LMBR1: variants seen among roughly 807,000 people sequenced by gnomAD.
LMBR1 encodes limb region 1 protein homolog.
A neutral mutation model predicts 73.9 loss-of-function variants in LMBR1; 52 were observed. That is an observed-to-expected ratio of 0.70 (90% confidence interval 0.56 to 0.89). LMBR1 has a LOEUF of 0.89. Among genes scored for constraint, LMBR1 ranks in the 40% least tolerant of loss-of-function variants. The pLI is 0.00. For missense variants in LMBR1, 539 were observed against 579.8 expected, an observed-to-expected ratio of 0.93 and a Z score of 0.72; for synonymous variants, 215 against 209.4, an observed-to-expected ratio of 1.03 and a Z score of -0.23.
chr7:156,755,171 C>T (rs1421236960), intron 9 of LMBR1, among the ~76,000 whole-genome samples: 1 of 152,204 alleles, frequency 6.6e-6, no homozygotes, highest in East Asian at 1.9e-4. Context: ...CTGATTTTGG[C>T]TTGGCTTCAT....
intron 15 of LMBR1, among the ~76,000 whole-genome samples, chr7:156,696,477 C>T (rs989658215): frequency 6.6e-6 from 1 of 151,982 alleles, no homozygotes; most frequent in Non-Finnish European, 1.5e-5. Context: ...AAAGACATAC[C>T]CGAGACTGGG....
At chr7:156,778,056 CAAAT>C (rs904698690) in intron 5 of LMBR1, among the ~76,000 whole-genome samples, 3 of 152,162 alleles carry the variant, frequency 2.0e-5, no homozygotes, top group African/African-American at 7.2e-5. Flanking sequence ...TATAGGTACA[CAAAT>C]AATAACAAGA....
At chr7:156,873,130 G>C (rs868467950) in intron 1 of LMBR1, among the ~76,000 whole-genome samples, 8 of 152,334 alleles carry the variant, frequency 5.3e-5, no homozygotes, top group Middle Eastern at 6.8e-3. Context: ...CTTGCGGTGA[G>C]TGTTACAGCT....
intron 5 of LMBR1, among the ~76,000 whole-genome samples, chr7:156,782,303 C>T (rs984809835): frequency 2.0e-5 from 3 of 152,156 alleles, no homozygotes; most frequent in Non-Finnish European, 4.4e-5. Context: ...TGTTGGAGTT[C>T]CTGCCTTCAA....
intron 1 of LMBR1, among the ~76,000 whole-genome samples, chr7:156,847,453 A>G (rs1478101491): frequency 1.3e-5 from 2 of 152,178 alleles, no homozygotes; most frequent in Admixed American, 6.5e-5. Flanking sequence ...ACTTTACTAA[A>G]ACTTAAAACT....
intron 5 of LMBR1, among the ~76,000 whole-genome samples, chr7:156,777,930 G>A (rs137986682): frequency 6.1e-4 from 93 of 152,138 alleles, no homozygotes; most frequent in Admixed American, 1.8e-3. Flanking sequence ...CATACACCCT[G>A]AGCCTCGGTC....
chr7:156,840,194 A>T (rs1470089598), intron 1 of LMBR1, among the ~76,000 whole-genome samples: 1 of 152,218 alleles, frequency 6.6e-6, no homozygotes, highest in Admixed American at 6.5e-5. Context: ...ACTGGGACAT[A>T]GCAGTGAACA....
At chr7:156,712,713 CAACATGGGTGG>C (rs1484879754) in intron 15 of LMBR1, among the ~76,000 whole-genome samples, 1 of 152,146 alleles carries the variant, frequency 6.6e-6, no homozygotes, top group African/African-American at 2.4e-5. Context: ...TATTTCACAA[CAACATGGGTGG>C]AATCATCATC....
chr7:156,805,227 T>C (rs976907484), intron 4 of LMBR1, among the ~76,000 whole-genome samples: 8 of 150,814 alleles, frequency 5.3e-5, no homozygotes, highest in Admixed American at 2.6e-4. Flanking sequence ...TTTTTTTTTT[T>C]TTTTTTTTGA....
At chr7:156,721,322 A>C (rs893662686) in intron 15 of LMBR1, among the ~76,000 whole-genome samples, 4 of 151,932 alleles carry the variant, frequency 2.6e-5, no homozygotes, top group African/African-American at 9.6e-5. Context: ...TAACACAAAA[A>C]ATCAACGTCT....
At chr7:156,798,197 T>C (rs538808851) in intron 4 of LMBR1, among the ~76,000 whole-genome samples, 46 of 152,334 alleles carry the variant, frequency 3.0e-4, no homozygotes, top group African/African-American at 1.0e-3. Context: ...GACGGGTCTG[T>C]AGACATTGGT....
chr7:156,889,487 A>T (rs1412971142), intron 1 of LMBR1, among the ~76,000 whole-genome samples: 1 of 152,202 alleles, frequency 6.6e-6, no homozygotes, highest in Non-Finnish European at 1.5e-5. Flanking sequence ...ATTTACATTC[A>T]CTCTAAATAT....
Position 156,685,976 on chromosome 7 carries a change from T to C in LMBR1, c.1388-1813A>G, listed in dbSNP as rs1805922624. On this transcript the variant is annotated intron_variant, in intron 16 of 16. Coordinates refer to ENST00000353442, the MANE Select transcript of LMBR1 (RefSeq NM_022458.4). The surrounding 1 kb of genome is among the most constrained non-coding windows in gnomAD (Gnocchi z 4.1). Reference sequence around the variant, plus strand: ...AGGTAAAACTGAGCCTATGTTTGAATGGGAAGGGAAAAAAGAAATCAATCC... The same window carrying C: ...AGGTAAAACTGAGCCTATGTTTGAACGGGAAGGGAAAAAAGAAATCAATCC... Among the ~76,000 whole-genome samples, 2 of 151,990 alleles carry C rather than the reference T, an allele frequency of 1.3e-5. No individual in the cohort carries two copies. The highest frequency in any genetic ancestry group is 2.9e-5 in the Non-Finnish European group (2 of 67,990).
At chr7:156,691,122 G>T (rs1187174346) in intron 15 of LMBR1, among the ~76,000 whole-genome samples, 3 of 152,048 alleles carry the variant, frequency 2.0e-5, no homozygotes, top group African/African-American at 7.2e-5. Context: ...ACTATTAAAA[G>T]CAAGCAAATA....
At chr7:156,782,545 G>A (rs981386797) in intron 5 of LMBR1, among the ~76,000 whole-genome samples, 1 of 151,916 alleles carries the variant, frequency 6.6e-6, no homozygotes, top group African/African-American at 2.4e-5. Flanking sequence ...TTGTTTGTTT[G>A]TTTGTTTGTT....
At chr7:156,836,410 TACTAAA>T (rs1223699139) in intron 2 of LMBR1, among the ~76,000 whole-genome samples, 1 of 152,198 alleles carries the variant, frequency 6.6e-6, no homozygotes, top group Non-Finnish European at 1.5e-5. Flanking sequence ...AGTAATTGGA[TACTAAA>T]TAGTATTATG....
chr7:156,837,792 T>G (rs1353758829), intron 1 of LMBR1, among the ~76,000 whole-genome samples: 1 of 150,958 alleles, frequency 6.6e-6, no homozygotes, highest in African/African-American at 2.4e-5. Flanking sequence ...TTTGCTTTTT[T>G]TTTTTTTTTT....
intron 2 of LMBR1, among the ~76,000 whole-genome samples, chr7:156,834,239 C>T (rs996667087): frequency 6.6e-6 from 1 of 152,088 alleles, no homozygotes; most frequent in Non-Finnish European, 1.5e-5. Flanking sequence ...ATAATAGTAA[C>T]AAGGAGTCTC....
chr7:156,675,109 T>G (rs745346334), downstream of LMBR1, among the ~76,000 whole-genome samples: 12 of 152,086 alleles, frequency 7.9e-5, no homozygotes, highest in East Asian at 1.9e-4. Flanking sequence ...CCGGAAGAGA[T>G]AGTGCAGACC....
Sources: allele counts gnomAD v4.1 joint callset (sites outside exome capture counted in the v4.1 genomes callset), GRCh38; gene constraint gnomAD v4.1.1; non-coding constraint Gnocchi (gnomAD v3.1); transcripts MANE v1.5; gene names NCBI Gene and HGNC (gene_info 2026-07-23, HGNC 2026-07-21).